Variants in SWT1 observed in about 807,000 individuals in gnomAD.
SWT1 encodes the protein SWT1 RNA endoribonuclease homolog.
In SWT1, 33 loss-of-function variants were observed where a neutral mutation model predicts 107.3. That is an observed-to-expected ratio of 0.31 (90% CI 0.23 to 0.41). SWT1 has a LOEUF of 0.41. Ranked by LOEUF, SWT1 falls within the 10% of genes least tolerant of loss-of-function variation. SWT1 has a pLI of 1.00. For missense variants in SWT1, 898 were observed against 1,028.9 expected (o/e 0.87, Z 1.74); for synonymous variants, 345 against 348.3 (o/e 0.99, Z 0.11).
chr1:185,267,781 C>T (rs1663511987), intron 16 of SWT1, among the ~76,000 whole-genome samples: 3 of 152,124 alleles, frequency 2.0e-5, no homozygotes, highest in African/African-American at 7.2e-5. Context: ...TTGATTCCAT[C>T]ATTCTTTTAA....
In SWT1 at chr1:185,208,659, G is replaced by A. The variant is rs74949353; in HGVS notation, c.1972+1896G>A. Among the ~76,000 whole-genome samples the A allele has an allele frequency of 6.0e-3, 914 of 151,742 alleles. 34 individuals are homozygous for A. In the East Asian group the frequency reaches 0.097, roughly 16 times the overall value. ...GTGTCAACCATAAATAAAGTAAGTC[G>A]ATAAATAAATATTTCCCCTAGGGGA... On this transcript the variant is annotated intron_variant, in intron 13 of 18. Coordinates refer to ENST00000367500, the MANE Select transcript of SWT1 (RefSeq NM_017673.7).
At chr1:185,270,816 A>G (rs1406758945) in intron 16 of SWT1, among the ~76,000 whole-genome samples, 1 of 152,200 alleles carries the variant, frequency 6.6e-6, no homozygotes, top group Non-Finnish European at 1.5e-5. Flanking sequence ...TTTTTCATAG[A>G]GCTGTAGGCT....
intron 13 of SWT1, among the ~76,000 whole-genome samples, chr1:185,209,045 C>T (rs540125653): frequency 2.6e-5 from 4 of 151,892 alleles, no homozygotes; most frequent in Non-Finnish European, 5.9e-5. Context: ...TAGTGATAAA[C>T]CCGGTTTAGA....
At chr1:185,244,771 G>A (rs556199294) in intron 16 of SWT1, among the ~76,000 whole-genome samples, 1 of 152,198 alleles carries the variant, frequency 6.6e-6, no homozygotes, top group South Asian at 2.1e-4. Flanking sequence ...CTCTTTTCCA[G>A]TAACACTTAG....
At chr1:185,248,755 T>C (rs113014530) in intron 16 of SWT1, among the ~76,000 whole-genome samples, 26 of 129,736 alleles carry the variant, frequency 2.0e-4, no homozygotes, top group African/African-American at 7.2e-4. Flanking sequence ...ACTAAAAAGC[T>C]AATGAAGATA....
intron 11 of SWT1, among the ~76,000 whole-genome samples, chr1:185,204,112 CTGGAAATTTATTGATG>C (rs1245213977): frequency 6.6e-6 from 1 of 151,996 alleles, no homozygotes; most frequent in Non-Finnish European, 1.5e-5. Flanking sequence ...GATAGTTAAG[CTGGAAATTTATTGATG>C]TGGGCTGAGT....
chr1:185,235,177 C>A (rs1490334635), intron 16 of SWT1, among the ~76,000 whole-genome samples: 1 of 152,094 alleles, frequency 6.6e-6, no homozygotes, highest in Non-Finnish European at 1.5e-5. Flanking sequence ...CTATTCCAAA[C>A]AATAGAAAAA....
intron 7 of SWT1, 145 bp from the exon 8 acceptor site, chr1:185,184,098 A>G (rs1460587231): frequency 1.3e-5 from 7 of 533,048 alleles, no homozygotes; most frequent in Non-Finnish European, 1.7e-5. Context: ...GAGTCTAGCC[A>G]ACTGTGTAAA....
intron 16 of SWT1, among the ~76,000 whole-genome samples, chr1:185,242,905 A>C (rs186293584): frequency 6.6e-6 from 1 of 152,344 alleles, no homozygotes; most frequent in East Asian, 1.9e-4. Context: ...GTTAAACACC[A>C]GTAAAAGAAA....
chr1:185,243,664 G>T (rs957317922), intron 16 of SWT1, among the ~76,000 whole-genome samples: 1 of 152,028 alleles, frequency 6.6e-6, no homozygotes, highest in Non-Finnish European at 1.5e-5. Flanking sequence ...CTGTTAACAA[G>T]GCATGTTAAA....
intron 15 of SWT1, among the ~76,000 whole-genome samples, chr1:185,229,857 C>T (rs1057354483): frequency 1.3e-5 from 2 of 152,032 alleles, no homozygotes; most frequent in African/African-American, 2.4e-5. Flanking sequence ...AATGCACACA[C>T]ACAAATACCC....
intron 13 of SWT1, among the ~76,000 whole-genome samples, chr1:185,209,493 T>C (rs1281153588): frequency 6.6e-6 from 1 of 152,134 alleles, no homozygotes; most frequent in Non-Finnish European, 1.5e-5. Context: ...TCTGTTCTTG[T>C]GTTAGTTTGC....
At chr1:185,279,442 G>A (rs1558099898) in intron 18 of SWT1, among the ~76,000 whole-genome samples, 1 of 151,938 alleles carries the variant, frequency 6.6e-6, no homozygotes, top group Non-Finnish European at 1.5e-5. Context: ...CATTTATTAT[G>A]TCAGGGATTT....
intron 7 of SWT1, among the ~76,000 whole-genome samples, chr1:185,184,039 A>G (rs1192605677): frequency 6.6e-6 from 1 of 152,198 alleles, no homozygotes; most frequent in Non-Finnish European, 1.5e-5. Context: ...TTGATTGGGG[A>G]GAAATTTACT....
rs1008960417 is a variant in SWT1 at position 185,190,766 on chromosome 1, G to C, written c.1523+124G>C. ...CATAATTTTCCAAATCTGCCAGTAAGCATACCCACTTGTATCTGACAGTCT... is the reference window on the plus strand; with the variant it reads ...CATAATTTTCCAAATCTGCCAGTAACCATACCCACTTGTATCTGACAGTCT... On this transcript the variant is annotated intron_variant, in intron 10 of 18. Transcript: ENST00000367500. 8 of 569,912 alleles carry C rather than the reference G, an allele frequency of 1.4e-5. No homozygotes were observed. The South Asian group carries it at 2.0e-4, about 14-fold the overall frequency. The allele number at this position is 569,912 out of a possible 1,614,324, so 35.3% of individuals were successfully genotyped here.
intron 18 of SWT1, 54 bp downstream of exon 18, chr1:185,276,722 C>T (rs1057075149): frequency 1.5e-5 from 14 of 958,472 alleles, no homozygotes; most frequent in Admixed American, 2.3e-5. Context: ...TTTCCATATA[C>T]AGCAGCACTT....
At chr1:185,231,471 T>C in intron 15 of SWT1, 106 bp from the exon 16 acceptor site, 1 of 800,998 alleles carries the variant, frequency 1.2e-6, no homozygotes, top group Non-Finnish European at 2.1e-6. Context: ...TCTGAGAGAT[T>C]AGTGATAATA....
chr1:185,273,099 C>A (rs574613990), intron 17 of SWT1, among the ~76,000 whole-genome samples: 56 of 151,862 alleles, frequency 3.7e-4, no homozygotes, highest in African/African-American at 1.3e-3. Context: ...TTTATATGGG[C>A]TTTTTAAGAG....
At chr1:185,217,197 A>G (rs576363252) in intron 14 of SWT1, among the ~76,000 whole-genome samples, 4 of 152,144 alleles carry the variant, frequency 2.6e-5, no homozygotes, top group Non-Finnish European at 5.9e-5. Flanking sequence ...GTTAGAAACA[A>G]TTCATTGAGT....
Sources: gnomAD v4.1 joint callset for allele counts (sites outside exome capture counted in the v4.1 genomes callset) on GRCh38, gnomAD v4.1.1 for gene constraint, MANE v1.5 for transcripts, NCBI Gene and HGNC (gene_info 2026-07-23, HGNC 2026-07-21) for gene names.